The following PCDHAC2 variants were observed in gnomAD, a reference collection of about 807,000 sequenced individuals.
The protein encoded by PCDHAC2 is protocadherin alpha-C2.
PCDHAC2 carries 24 observed loss-of-function variants against 63.3 expected under a neutral mutation model. That is an observed-to-expected ratio of 0.38 (90% CI 0.27 to 0.53). The LOEUF (loss-of-function observed/expected upper bound fraction) is 0.53, where lower values mean the gene tolerates loss of function less well. PCDHAC2 is among the 20% of genes least tolerant of loss of function. The pLI is 0.81. For synonymous variants in PCDHAC2, 569 were observed against 529.4 expected, an observed-to-expected ratio of 1.07 and a Z score of -1.03; for missense variants, 1,181 against 1,275.2, an observed-to-expected ratio of 0.93 and a Z score of 1.12.
At chr5:140,980,278 GA>G (rs1351425532) in intron 2 of PCDHAC2, among the ~76,000 whole-genome samples, 1 of 152,166 alleles carries the variant, frequency 6.6e-6, no homozygotes, top group Non-Finnish European at 1.5e-5. Flanking sequence ...ACCAACTCTT[GA>G]AAAGTACCAA....
At chr5:140,999,551 G>C (rs1189671768) in intron 3 of PCDHAC2, among the ~76,000 whole-genome samples, 3 of 152,088 alleles carry the variant, frequency 2.0e-5, no homozygotes, top group East Asian at 1.9e-4. Context: ...CAATGAAGAG[G>C]GGGTATTTTG....
intron 3 of PCDHAC2, among the ~76,000 whole-genome samples, chr5:141,005,572 C>T (rs548748234): frequency 4.6e-5 from 7 of 151,094 alleles, no homozygotes; most frequent in East Asian, 1.9e-4. Context: ...CATGGTGGCG[C>T]GTGCCTGTAG....
In PCDHAC2 at chr5:140,978,986, C is replaced by T. The variant is rs138901709; in HGVS notation, c.2603C>T (p.Ser868Phe). The change falls in exon 2 of 4, where the codon TCC (serine) becomes TTC (phenylalanine). Residue 868 changes from serine (S) to phenylalanine (F), a missense_variant. Physicochemically the swap from Ser to Phe is radical, Grantham distance 155. Transcript: ENST00000289269. ...AACCCTGACTGGCGTTACTCTGCCT[C>T]CCTGAGAGCAGGCATGCACAGGTAT... Reference protein sequence around the residue: ...QPNPDWRYSASLRAGMHSSVH... With the variant: ...QPNPDWRYSAFLRAGMHSSVH... 56 of 1,614,072 alleles carry T rather than the reference C, an allele frequency of 3.5e-5. No individual in the cohort carries two copies. The highest frequency in any genetic ancestry group is 4.5e-5 in the Non-Finnish European group (53 of 1,180,028).
chr5:140,968,907 C>G lies in PCDHAC2; in HGVS notation c.2141C>G (p.Thr714Arg). 1 of 1,614,180 alleles carries G rather than the reference C, an allele frequency of 6.2e-7. No homozygotes were observed. Residue 714 changes from threonine to arginine, a missense_variant, in exon 1 of 4, where the codon ACA becomes AGA. Thr to Arg is a moderately conservative substitution (Grantham distance 71). Around this residue, in one of 3 missense-constraint regions of PCDHAC2, gnomAD observed 968 missense variants for 1,073.5 expected, o/e 0.90. Transcript: ENST00000289269. ...CTTTATCTAATAATAGCATTAAGCACAGTGTCTTTTATATTTCTTTTGACA... is the reference window on the plus strand; with the variant it reads ...CTTTATCTAATAATAGCATTAAGCAGAGTGTCTTTTATATTTCTTTTGACA... ...ITLYLIIALS[T>R]VSFIFLLTII... is the part of the protein sequence containing the mutation.
At chr5:140,984,631 T>C (rs1400847452) in intron 3 of PCDHAC2, among the ~76,000 whole-genome samples, 1 of 152,192 alleles carries the variant, frequency 6.6e-6, no homozygotes, top group Non-Finnish European at 1.5e-5. Flanking sequence ...TTAAAGGGAT[T>C]CTCTGCCTTC....
chr5:140,966,545 G>A lies in PCDHAC2; in HGVS notation c.-222G>A. ...CCGAGCCGGGTTGAGCGACTCGGAG[G>A]CGAGCGGAGGAGCTGGAATATGGGG... On this transcript the variant is annotated 5_prime_UTR_variant, in exon 1 of 4. Coordinates refer to ENST00000289269, the MANE Select transcript of PCDHAC2 (RefSeq NM_018899.6). The A allele has an allele frequency of 2.1e-6, 1 of 465,980 alleles. No individual in the cohort carries two copies. The highest frequency in any genetic ancestry group is 3.7e-6 in the Non-Finnish European group (1 of 272,640). The allele number at this position is 465,980 out of a possible 1,614,324, so 28.9% of individuals were successfully genotyped here. A position where few individuals can be genotyped will look rare whatever the true frequency, so the allele number is the denominator to read the frequency against.
At position 140,967,692 on chromosome 5, in the gene PCDHAC2, G is replaced by A. The variant is rs781940460; in HGVS notation, c.926G>A (p.Ser309Asn). Residue 309 changes from serine to asparagine, a missense_variant, in exon 1 of 4, where the codon AGC (serine) becomes AAC (asparagine). Ser to Asn is a conservative substitution (Grantham distance 46). Coordinates refer to ENST00000289269, the MANE Select transcript of PCDHAC2 (RefSeq NM_018899.6). ...TCGGACCGGGAGAGGCAGCTCTTCA[G>A]CATAGATGCCAGTACCGGGGAAGTG... ...YTSDRERQLF[S>N]IDASTGEVRV... The A allele has an allele frequency of 7.4e-6, 12 of 1,614,196 alleles. No homozygotes were observed. Among genetic ancestry groups the A allele is most frequent in the South Asian group, 1.1e-5 (1 of 91,088 alleles).
chr5:140,968,756 G>T lies in PCDHAC2; in HGVS notation c.1990G>T (p.Asp664Tyr). The change falls in exon 1 of 4, where the codon GAT becomes TAT. Residue 664 changes from aspartate (D) to tyrosine (Y), a missense_variant. Around this residue, in one of 3 missense-constraint regions of PCDHAC2, gnomAD observed 968 missense variants for 1,073.5 expected, o/e 0.90. Transcript: ENST00000289269. Reference protein sequence around the residue: ...STFNLTVVVRDNGEPSLSASV... With the variant: ...STFNLTVVVRYNGEPSLSASV... ...TTTCAACCTGACCGTGGTGGTCCGA[G>T]ATAATGGAGAGCCATCACTATCAGC... The T allele has an allele frequency of 6.2e-7, 1 of 1,614,202 alleles. No individual in the cohort carries two copies. Among genetic ancestry groups the T allele is most frequent in the Non-Finnish European group, 8.5e-7 (1 of 1,180,050 alleles).
At chr5:140,981,392 G>A (rs565370456) in intron 2 of PCDHAC2, among the ~76,000 whole-genome samples, 1 of 152,208 alleles carries the variant, frequency 6.6e-6, no homozygotes, top group South Asian at 2.1e-4. Context: ...TGGTCAATAT[G>A]GTGAAAACCT....
At chr5:140,973,628 T>G (rs1005772685) in intron 1 of PCDHAC2, among the ~76,000 whole-genome samples, 13 of 152,250 alleles carry the variant, frequency 8.5e-5, no homozygotes, top group Admixed American at 2.6e-4. Context: ...TTCTGTATCT[T>G]GTACACATTC....
intron 3 of PCDHAC2, among the ~76,000 whole-genome samples, chr5:141,008,123 G>A (rs1437358425): frequency 6.6e-6 from 1 of 152,144 alleles, no homozygotes; most frequent in East Asian, 1.9e-4. Context: ...GTTTCAAGAA[G>A]GGGATGACAA....
chr5:140,986,285 A>AGACT (rs1311762694), intron 3 of PCDHAC2, among the ~76,000 whole-genome samples: 3 of 152,134 alleles, frequency 2.0e-5, no homozygotes, highest in Admixed American at 2.0e-4. Flanking sequence ...GCTTCCCTTG[A>AGACT]GACTGAGCAG....
At position 140,969,068 on chromosome 5, in the gene PCDHAC2, A is replaced by C. The variant is rs2096293164; in HGVS notation, c.2302A>C (p.Ile768Leu). The change falls in exon 1 of 4, where the codon ATA (isoleucine) becomes CTA (leucine). Residue 768 changes from isoleucine (I) to leucine (L), a missense_variant. By Grantham distance (5) the Ile-to-Leu change is conservative. Transcript: ENST00000289269. ...AGCCAACAACAATATTGATGCCAGG[A>C]TACCGCATGGCCTCAAAGTGCAGCC... Reference protein sequence around the residue: ...KQANNNIDARIPHGLKVQPHF... With the variant: ...KQANNNIDARLPHGLKVQPHF... 1.2e-6 allele frequency: 2 copies of C among 1,614,046 alleles called. No individual in the cohort carries two copies. Among genetic ancestry groups the C allele is most frequent in the South Asian group, 2.2e-5 (2 of 91,076 alleles).
rs1047961532 is a variant in PCDHAC2 at position 140,968,736 on chromosome 5, A to G, written c.1970A>G (p.Asn657Ser). The G allele has an allele frequency of 3.1e-6, 5 of 1,614,098 alleles. No individual in the cohort carries two copies. The highest frequency in any genetic ancestry group is 2.2e-5 in the East Asian group (1 of 44,872). ...GGAGATGAGAGTGGTAGCACTTTCA[A>G]CCTGACCGTGGTGGTCCGAGATAAT... ...KMGDESGSTF[N>S]LTVVVRDNGE... Residue 657 changes from asparagine (N) to serine (S), a missense_variant, in exon 1 of 4, where the codon AAC (asparagine) becomes AGC (serine). Asn to Ser is a conservative substitution (Grantham distance 46). Coordinates refer to ENST00000289269, the MANE Select transcript of PCDHAC2 (RefSeq NM_018899.6).
chr5:140,973,666 A>G (rs531003588), intron 1 of PCDHAC2, among the ~76,000 whole-genome samples: 8 of 152,322 alleles, frequency 5.3e-5, no homozygotes, highest in African/African-American at 1.9e-4. Flanking sequence ...TATTTATTGT[A>G]GCTTGAATGT....
chr5:140,967,428 C>T lies in PCDHAC2; in HGVS notation c.662C>T (p.Ala221Val), dbSNP rs782709354. The change falls in exon 1 of 4, where the codon GCC (alanine) becomes GTC (valine). Residue 221 changes from alanine (A) to valine (V), a missense_variant. Coordinates refer to ENST00000289269, the MANE Select transcript of PCDHAC2 (RefSeq NM_018899.6). ...AAGGGCCTAGACCGGGAGCAGGCAG[C>T]CTTGCACCACCTGGTTCTCACAGCC... ...LRKGLDREQA[A>V]LHHLVLTAVD... 1.2e-6 allele frequency: 2 copies of T among 1,613,402 alleles called. No homozygotes were observed. The highest frequency in any genetic ancestry group is 4.5e-5 in the East Asian group (2 of 44,858).
chr5:140,968,709 T>C lies in PCDHAC2; in HGVS notation c.1943T>C (p.Met648Thr), dbSNP rs2153773320. The part of the protein sequence containing the change: ...HTGEIRTTRK[M>T]GDESGSTFNL... ...GGAGAAATTAGGACTACCAGGAAGA[T>C]GGGAGATGAGAGTGGTAGCACTTTC... The change falls in exon 1 of 4, where the codon ATG (methionine) becomes ACG (threonine). Residue 648 changes from methionine to threonine, a missense_variant. Coordinates refer to ENST00000289269, the MANE Select transcript of PCDHAC2 (RefSeq NM_018899.6). The C allele has an allele frequency of 1.9e-6, 3 of 1,614,030 alleles. No homozygotes were observed. In the East Asian group the frequency reaches 6.7e-5, roughly 36 times the overall value.
chr5:141,007,377 A>C (rs13186204), intron 3 of PCDHAC2, among the ~76,000 whole-genome samples: 7,611 of 136,554 alleles, frequency 0.056, 239 homozygotes, highest in South Asian at 0.11. Flanking sequence ...ATGATGGAAC[A>C]CCATCTCTAC....
chr5:140,992,676 G>A (rs2097524186), intron 3 of PCDHAC2, among the ~76,000 whole-genome samples: 1 of 152,146 alleles, frequency 6.6e-6, no homozygotes, highest in African/African-American at 2.4e-5. Flanking sequence ...GTATGTGTGT[G>A]TTAGGGGTTG....
Sources: gnomAD v4.1 joint callset for allele counts (sites outside exome capture counted in the v4.1 genomes callset) on GRCh38, gnomAD v4.1.1 for gene constraint, gnomAD v4.1.1 regional missense constraint, MANE v1.5 for transcripts, NCBI Gene and HGNC (gene_info 2026-07-23, HGNC 2026-07-21) for gene names.